The following KCNQ1OT1 variants were observed in gnomAD, a reference collection of about 807,000 sequenced individuals.
KCNQ1OT1 encodes the protein KCNQ1 antisense RNA 2 (non-protein coding).
chr11:2,608,412 A>T lies in KCNQ1OT1; in HGVS notation n.91583T>A, dbSNP rs1278417668. The T allele has an allele frequency of 2.5e-5, 10 of 398,502 alleles. No individual in the cohort carries two copies. Among genetic ancestry groups the T allele is most frequent in the Non-Finnish European group, 4.4e-5 (10 of 226,060 alleles). The allele number at this position is 398,502 out of a possible 1,614,324, so 24.7% of individuals were successfully genotyped here. A position where few individuals can be genotyped will look rare whatever the true frequency, so the allele number is the denominator to read the frequency against. On this transcript the variant is annotated non_coding_transcript_exon_variant, in exon 1 of 1. Transcript: ENST00000597346. The surrounding 1 kb of genome is among the most constrained non-coding windows in gnomAD (Gnocchi z 4.6). ...AATTTATTGGCACAAAATTGTTCAT[A>T]GTGTTCCTTCATAATCCTTTTTATT...
At chr11:2,632,968 T>TCA (rs1362678942) in exon 1 of KCNQ1OT1, 1 of 398,374 alleles carries the variant, frequency 2.5e-6, no homozygotes, top group East Asian at 3.6e-5. Context: ...GATAGTCTAC[T>TCA]TTTAGTTTTT....
rs1375222908 is a variant in KCNQ1OT1 at position 2,678,577 on chromosome 11, A to G, written n.21418T>C. On this transcript the variant is annotated non_coding_transcript_exon_variant, in exon 1 of 1. Transcript: ENST00000597346. The surrounding 1 kb of genome is among the most constrained non-coding windows in gnomAD (Gnocchi z 4.9). ...GTTATTTTAATTATGTAACTTTATG[A>G]TGCACTTATCTGTGTAGCAGGACTC... The G allele has an allele frequency of 2.5e-6, 1 of 398,484 alleles. No individual in the cohort carries two copies. Among genetic ancestry groups the G allele is most frequent in the Non-Finnish European group, 4.4e-6 (1 of 226,062 alleles). The allele number at this position is 398,484 out of a possible 1,614,324, so 24.7% of individuals were successfully genotyped here.
exon 1 of KCNQ1OT1, chr11:2,684,124 G>A (rs1444864221): frequency 2.5e-6 from 1 of 398,442 alleles, no homozygotes; most frequent in Non-Finnish European, 4.4e-6. Flanking sequence ...TTCTTAAGGG[G>A]ACCGTTTCCC....
exon 1 of KCNQ1OT1, chr11:2,641,002 C>A (rs1849567951): frequency 7.5e-6 from 3 of 398,376 alleles, no homozygotes; most frequent in Non-Finnish European, 1.3e-5. Context: ...TGATTTCATT[C>A]TTCTTTGGTC....
At chr11:2,649,196 T>G in exon 1 of KCNQ1OT1, 1 of 398,354 alleles carries the variant, frequency 2.5e-6, no homozygotes, top group Non-Finnish European at 4.4e-6. Context: ...TTGGGAAATT[T>G]AAATTACCTA....
rs149646967 is a variant in KCNQ1OT1, at chr11:2,614,606, G to C, written n.85389C>G. 1.4e-3 allele frequency: 553 copies of C among 398,498 alleles called. 1 individual carries two copies. Among genetic ancestry groups the C allele is most frequent in the African/African-American group, 1.0e-2 (486 of 48,736 alleles). 24.7% of individuals were successfully genotyped at this position (398,498 alleles called of 1,614,324 possible). The stretch of plus-strand genomic sequence containing the variant: ...TCATTCTTTGATATATGAGGATCCA[G>C]TTGCCCCAGCACCATTTGTTAAAAG... On this transcript the variant is annotated non_coding_transcript_exon_variant, in exon 1 of 1. Transcript: ENST00000597346.
chr11:2,626,641 A>G lies in KCNQ1OT1; in HGVS notation n.73354T>C. ...TCTCCCAGGCTCAAGCAATCCTCCC[A>G]CCTCGGCTTCTTGAGTAGCTGGGAA... On this transcript the variant is annotated non_coding_transcript_exon_variant, in exon 1 of 1. Transcript: ENST00000597346. The surrounding 1 kb of genome is among the most constrained non-coding windows in gnomAD (Gnocchi z 4.0). 1 of 398,450 alleles carries G rather than the reference A, an allele frequency of 2.5e-6. No individual in the cohort carries two copies. The highest frequency in any genetic ancestry group is 4.4e-6 in the Non-Finnish European group (1 of 226,052). 24.7% of individuals were successfully genotyped at this position (398,450 alleles called of 1,614,324 possible). A position where few individuals can be genotyped will look rare whatever the true frequency, so the allele number is the denominator to read the frequency against.
chr11:2,672,650 AC>A (rs1850207293), exon 1 of KCNQ1OT1: 1 of 398,584 alleles, frequency 2.5e-6, no homozygotes, highest in African/African-American at 2.1e-5. Flanking sequence ...AAGCACTGAG[AC>A]CAGATATGAT....
Position 2,673,182 on chromosome 11 carries a change from G to T in KCNQ1OT1, n.26813C>A, listed in dbSNP as rs1294731510. ...CACGAGGATCAGAATGGGCCCTGGA[G>T]CCAAGGCCAAAAGCCGAACTGTGAC... is the stretch of plus-strand genomic sequence containing the variant. On this transcript the variant is annotated non_coding_transcript_exon_variant, in exon 1 of 1. Transcript: ENST00000597346. This position sits in a 1 kb window ranked among gnomAD's most constrained non-coding sequence, Gnocchi z 4.5. 2.5e-6 allele frequency: 1 copy of T among 398,610 alleles called. No individual in the cohort carries two copies. The highest frequency in any genetic ancestry group is 2.1e-5 in the African/African-American group (1 of 48,638). The allele number at this position is 398,610 out of a possible 1,614,324, so 24.7% of individuals were successfully genotyped here.
chr11:2,630,737 C>T (rs898609744), exon 1 of KCNQ1OT1: 5 of 398,460 alleles, frequency 1.3e-5, no homozygotes, highest in Non-Finnish European at 2.2e-5. Context: ...GCCTGAATAA[C>T]TCCCTCTGGC....
At chr11:2,616,871 A>G (rs1849073923) in exon 1 of KCNQ1OT1, 3 of 398,030 alleles carry the variant, frequency 7.5e-6, no homozygotes, top group Non-Finnish European at 1.3e-5. Context: ...TGGAGTGTCC[A>G]TATATGTTTG....
exon 1 of KCNQ1OT1, chr11:2,681,110 G>GC (rs778719674): frequency 2.8e-5 from 11 of 398,326 alleles, no homozygotes; most frequent in Non-Finnish European, 3.5e-5. Context: ...TTAAATAGAT[G>GC]CCCCCCAAAA....
chr11:2,678,231 G>A lies in KCNQ1OT1; in HGVS notation n.21764C>T, dbSNP rs982670872. 2.5e-6 allele frequency: 1 copy of A among 398,076 alleles called. No homozygotes were observed. The highest frequency in any genetic ancestry group is 2.1e-5 in the African/African-American group (1 of 48,566). 24.7% of individuals were successfully genotyped at this position (398,076 alleles called of 1,614,324 possible). On this transcript the variant is annotated non_coding_transcript_exon_variant, in exon 1 of 1. Transcript: ENST00000597346. The surrounding 1 kb of genome is among the most constrained non-coding windows in gnomAD (Gnocchi z 4.9). ...CAGCTGTGTCAGTCTTTTATGGTTT[G>A]AGGTCCTTATCTTAAATTCTGAAAT...
chr11:2,640,876 C>T, exon 1 of KCNQ1OT1: 1 of 399,646 alleles, frequency 2.5e-6, no homozygotes, highest in Non-Finnish European at 4.4e-6. Context: ...TACTCTCTAC[C>T]TCCATGAGAT....
exon 1 of KCNQ1OT1, chr11:2,616,153 T>C: frequency 2.5e-6 from 1 of 398,110 alleles, no homozygotes; most frequent in Non-Finnish European, 4.4e-6. Context: ...CATAGTATTC[T>C]TTTATCACAC....
Position 2,611,842 on chromosome 11 carries a change from T to C in KCNQ1OT1, n.88153A>G, listed in dbSNP as rs1419253916. 3 of 398,394 alleles carry C rather than the reference T, an allele frequency of 7.5e-6. No individual in the cohort carries two copies. Among genetic ancestry groups the C allele is most frequent in the East Asian group, 3.6e-5 (1 of 28,036 alleles). 24.7% of individuals were successfully genotyped at this position (398,394 alleles called of 1,614,324 possible). A position where few individuals can be genotyped will look rare whatever the true frequency, so the allele number is the denominator to read the frequency against. ...TGAATAGATATGTTCTAGAGTACCA[T>C]TCTAATTCCTTTGTTAGTTTATTTC... On this transcript the variant is annotated non_coding_transcript_exon_variant, in exon 1 of 1. Coordinates refer to ENST00000597346, the Ensembl canonical transcript of KCNQ1OT1. This position sits in a 1 kb window ranked among gnomAD's most constrained non-coding sequence, Gnocchi z 5.3.
chr11:2,621,927 T>C lies in KCNQ1OT1; in HGVS notation n.78068A>G. 1 of 397,442 alleles carries C rather than the reference T, an allele frequency of 2.5e-6. No individual in the cohort carries two copies. Among genetic ancestry groups the C allele is most frequent in the Non-Finnish European group, 4.4e-6 (1 of 225,172 alleles). 24.6% of individuals were successfully genotyped at this position (397,442 alleles called of 1,614,324 possible). On this transcript the variant is annotated non_coding_transcript_exon_variant, in exon 1 of 1. Transcript: ENST00000597346. The surrounding 1 kb of genome is among the most constrained non-coding windows in gnomAD (Gnocchi z 5.7). ...TCTGTTAACTTTGGCTTTAGTTTGT[T>C]CTTCTTTTTCTAATTCCTTGAGGTA... is the stretch of plus-strand genomic sequence containing the variant.
exon 1 of KCNQ1OT1, chr11:2,648,137 A>G: frequency 5.2e-6 from 1 of 191,956 alleles, no homozygotes; most frequent in South Asian, 2.2e-4. Flanking sequence ...CCCAGGAAGC[A>G]GAGGTTACAG....
exon 1 of KCNQ1OT1, chr11:2,681,293 C>G: frequency 2.5e-6 from 1 of 398,520 alleles, no homozygotes; most frequent in African/African-American, 2.1e-5. Context: ...CCTTCCTGTC[C>G]TACCAGCCCA....
Sources: allele counts gnomAD v4.1 joint callset, GRCh38; gene constraint gnomAD v4.1.1; non-coding constraint Gnocchi (gnomAD v3.1); transcripts MANE v1.5; gene names NCBI Gene and HGNC (gene_info 2026-07-23, HGNC 2026-07-21).